DACT3: variants seen among roughly 807,000 people sequenced by gnomAD.
DACT3 encodes dishevelled binding antagonist of beta catenin 3.
A neutral mutation model predicts 19.6 loss-of-function variants in DACT3; 5 were observed. The observed-to-expected ratio is 0.26, with a 90% CI of 0.13 to 0.54. The LOEUF (loss-of-function observed/expected upper bound fraction) is 0.54, where lower values mean the gene tolerates loss of function less well. DACT3 is among the 20% of genes least tolerant of loss of function. The probability of loss-of-function intolerance (pLI) is 0.95; values close to 1 mark genes in which losing one functional copy is unlikely to be tolerated. For synonymous variants in DACT3, 454 were observed against 428.1 expected (o/e 1.06, Z -0.75); for missense variants, 908 against 927.4 (o/e 0.98, Z 0.27).
intron 1 of DACT3, chr19:46,654,778 C>T: frequency 1.0e-6 from 1 of 985,498 alleles, no homozygotes; most frequent in Non-Finnish European, 1.2e-6. Flanking sequence ...CCCAACCCTG[C>T]CTATTTAGGG....
intron 1 of DACT3, chr19:46,659,655 C>G (rs1345208972): frequency 1.3e-5 from 2 of 154,506 alleles, no homozygotes; most frequent in Non-Finnish European, 2.8e-5. Context: ...TCTTCCTCCC[C>G]ACTCCCCATC....
chr19:46,657,423 G>A (rs543894426), intron 1 of DACT3, among the ~76,000 whole-genome samples: 5 of 140,894 alleles, frequency 3.5e-5, no homozygotes, highest in Non-Finnish European at 7.5e-5. Context: ...GCACAATCTC[G>A]GCTCACTGCA....
At chr19:46,657,525 T>C (rs985771653) in intron 1 of DACT3, among the ~76,000 whole-genome samples, 16 of 151,358 alleles carry the variant, frequency 1.1e-4, no homozygotes, top group African/African-American at 3.6e-4. Flanking sequence ...AGCTAATTTT[T>C]TGTATTTTTA....
In DACT3 at chr19:46,649,357, G is replaced by GCGCAGCGGGCTCGGGTGC; in HGVS notation, c.997_1014dup (p.Ala333_Ala338dup). 1 of 1,255,448 alleles carries GCGCAGCGGGCTCGGGTGC rather than the reference G, an allele frequency of 8.0e-7. No individual in the cohort carries two copies. The highest frequency in any genetic ancestry group is 1.0e-6 in the Non-Finnish European group (1 of 995,898). 77.8% of individuals were successfully genotyped at this position (1,255,448 alleles called of 1,614,324 possible). A position where few individuals can be genotyped will look rare whatever the true frequency, so the allele number is the denominator to read the frequency against. Reference sequence around the variant, plus strand: ...TCGGGGGGTGAGGGGGCGGCGGGCGGCGCAGCGGGCTCGGGTGCCGCCTCC... The same window carrying GCGCAGCGGGCTCGGGTGC: ...TCGGGGGGTGAGGGGGCGGCGGGCGGCGCAGCGGGCTCGGGTGCCGCAGCGGGCTCGGGTGCCGCCTCC... On this transcript the variant is annotated inframe_insertion, in exon 4 of 4. Transcript: ENST00000391916.
intron 1 of DACT3, among the ~76,000 whole-genome samples, chr19:46,656,107 C>G (rs1011786948): frequency 5.3e-5 from 8 of 150,124 alleles, no homozygotes; most frequent in African/African-American, 1.7e-4. Context: ...ACCGCTCAGG[C>G]TGGAGTGCAG....
chr19:46,658,432 C>T (rs901182509), intron 1 of DACT3, among the ~76,000 whole-genome samples: 3 of 152,046 alleles, frequency 2.0e-5, no homozygotes, highest in Non-Finnish European at 4.4e-5. Flanking sequence ...CATAAATAAA[C>T]GTGAAAGGAT....
intron 1 of DACT3, chr19:46,659,062 G>A (rs1008127481): frequency 4.1e-6 from 4 of 982,310 alleles, no homozygotes; most frequent in South Asian, 4.7e-5. Flanking sequence ...GGGGTGGGGG[G>A]ATAAGTCATA....
rs529884145 is a variant in DACT3 at position 46,660,001 on chromosome 19, C to G, written c.249+815G>C. 6.6e-6 allele frequency among the ~76,000 whole-genome samples: 1 copy of G among 152,196 alleles called. No homozygotes were observed. The highest frequency in any genetic ancestry group is 1.9e-4 in the East Asian group (1 of 5,180). On this transcript the variant is annotated intron_variant, in intron 1 of 3. Coordinates refer to ENST00000391916, the MANE Select transcript of DACT3 (RefSeq NM_145056.3). This position sits in a 1 kb window ranked among gnomAD's most constrained non-coding sequence, Gnocchi z 4.9. ...TGGCAGGACGGAGAGAGTGACAGAACCCAGGACGAGATCGGGAGACTCAAG... is the reference window on the plus strand; with the variant it reads ...TGGCAGGACGGAGAGAGTGACAGAAGCCAGGACGAGATCGGGAGACTCAAG...
Position 46,649,246 on chromosome 19 carries a change from G to A in DACT3, c.1126C>T (p.Arg376Cys), listed in dbSNP as rs1371010987. ...ATRGLPGRAARRKPPPLTRGR... is the reference protein window; with the variant it reads ...ATRGLPGRAACRKPPPLTRGR... ...CGGGTCAGTGGCGGCGGTTTGCGGC[G>A]GGCGGCGCGGCCAGGGAGGCCTCGG... The change falls in exon 4 of 4, where the codon CGC becomes TGC. Residue 376 changes from arginine (R) to cysteine (C), a missense_variant. Physicochemically the swap from Arg to Cys is radical, Grantham distance 180 (BLOSUM62 -3). Around this residue, in one of 2 missense-constraint regions of DACT3, gnomAD observed 656 missense variants for 601.8 expected, o/e 1.09. Coordinates refer to ENST00000391916, the MANE Select transcript of DACT3 (RefSeq NM_145056.3). The A allele has an allele frequency of 8.3e-7, 1 of 1,198,600 alleles. No individual in the cohort carries two copies. Among genetic ancestry groups the A allele is most frequent in the Non-Finnish European group, 1.0e-6 (1 of 969,188 alleles). 74.2% of individuals were successfully genotyped at this position (1,198,600 alleles called of 1,614,324 possible). A position where few individuals can be genotyped will look rare whatever the true frequency, so the allele number is the denominator to read the frequency against.
intron 1 of DACT3, 69 bp from the exon 2 acceptor site, chr19:46,653,144 C>T (rs2053003458): frequency 1.3e-6 from 2 of 1,533,480 alleles, no homozygotes; most frequent in Non-Finnish European, 8.8e-7. Context: ...CCCTATTCCA[C>T]GAGCTCATGG....
intron 1 of DACT3, among the ~76,000 whole-genome samples, chr19:46,658,246 T>A (rs952888061): frequency 1.4e-4 from 19 of 138,392 alleles, no homozygotes; most frequent in Non-Finnish European, 2.2e-4. Flanking sequence ...AAAAAAAAAA[T>A]TAGCCAAATG....
In DACT3 at chr19:46,660,685, A is replaced by G; in HGVS notation, c.249+131T>C. The G allele has an allele frequency of 7.3e-7, 1 of 1,371,660 alleles. No individual in the cohort carries two copies. The highest frequency in any genetic ancestry group is 9.4e-7 in the Non-Finnish European group (1 of 1,066,772). 85.0% of individuals were successfully genotyped at this position (1,371,660 alleles called of 1,614,324 possible). On this transcript the variant is annotated intron_variant, in intron 1 of 3. Transcript: ENST00000391916. This position sits in a 1 kb window ranked among gnomAD's most constrained non-coding sequence, Gnocchi z 4.9. ...CCGCCGCCGGAACTCCGGGGTCGCC[A>G]GCCCCACCCCCTGTCCTTTCTCACT...
Position 46,649,119 on chromosome 19 carries a change from G to A in DACT3, c.1253C>T (p.Ala418Val). 1 of 1,282,636 alleles carries A rather than the reference G, an allele frequency of 7.8e-7. No homozygotes were observed. Among genetic ancestry groups the A allele is most frequent in the South Asian group, 2.3e-5 (1 of 43,944 alleles). 79.5% of individuals were successfully genotyped at this position (1,282,636 alleles called of 1,614,324 possible). The change falls in exon 4 of 4, where the codon GCC becomes GTC. Residue 418 changes from alanine (A) to valine (V), a missense_variant. Ala to Val is a moderately conservative substitution (Grantham distance 64). Coordinates refer to ENST00000391916, the MANE Select transcript of DACT3 (RefSeq NM_145056.3). ...AGACTGGGAGCGCGAGGCCTTGCGG[G>A]CCCTGGGCGAGCCGCGGCGGCCCGA... ...EASGRRGSPR[A>V]RKASRSQSET...
chr19:46,653,968 C>A lies in DACT3; in HGVS notation c.250-893G>T, dbSNP rs1012211027. ...CCTGCTGCAGATTGCCTCTTTCCCCCATATGGGTAAAATAGGCTGACCACG... is the reference window on the plus strand; with the variant it reads ...CCTGCTGCAGATTGCCTCTTTCCCCAATATGGGTAAAATAGGCTGACCACG... On this transcript the variant is annotated intron_variant, in intron 1 of 3. Transcript: ENST00000391916. 7 of 985,072 alleles carry A rather than the reference C, an allele frequency of 7.1e-6. No homozygotes were observed. The Admixed American group carries it at 3.1e-4, about 43-fold the overall frequency. 61.0% of individuals were successfully genotyped at this position (985,072 alleles called of 1,614,324 possible).
chr19:46,648,316 G>GCC lies in DACT3; in HGVS notation c.*165_*166insGG. On this transcript the variant is annotated 3_prime_UTR_variant, in exon 4 of 4. Coordinates refer to ENST00000391916, the MANE Select transcript of DACT3 (RefSeq NM_145056.3). The surrounding 1 kb of genome is among the most constrained non-coding windows in gnomAD (Gnocchi z 5.1). ...GCTCCTCCCCATTCCTCTCGGTGGT[G>GCC]GTGGGGGAGCCTTTTCAACCAAGAC... The GCC allele has an allele frequency of 5.3e-6, 6 of 1,134,776 alleles. No homozygotes were observed. The highest frequency in any genetic ancestry group is 7.5e-6 in the Non-Finnish European group (6 of 802,758). 70.3% of individuals were successfully genotyped at this position (1,134,776 alleles called of 1,614,324 possible).
In DACT3 at chr19:46,648,916, C is replaced by T. The variant is rs1486918303; in HGVS notation, c.1456G>A (p.Asp486Asn). ...GCTCGGGGCCGCACGCGGCGCCCAT[C>T]GGCAGCGTCGATCTCCGCAGTGGAG... ...WRSTAEIDAA[D>N]GRRVRPRAPA... Residue 486 changes from aspartate (D) to asparagine (N), a missense_variant, in exon 4 of 4, where the codon GAT (aspartate) becomes AAT (asparagine). This residue lies in a region of DACT3 where 656 missense variants were observed against 601.8 expected (regional missense o/e 1.09). Transcript: ENST00000391916. This position sits in a 1 kb window ranked among gnomAD's most constrained non-coding sequence, Gnocchi z 5.1. The T allele has an allele frequency of 7.4e-7, 1 of 1,358,438 alleles. No individual in the cohort carries two copies. Among genetic ancestry groups the T allele is most frequent in the South Asian group, 1.8e-5 (1 of 56,980 alleles). The allele number at this position is 1,358,438 out of a possible 1,614,324, so 84.1% of individuals were successfully genotyped here. A position where few individuals can be genotyped will look rare whatever the true frequency, so the allele number is the denominator to read the frequency against.
In DACT3 at chr19:46,648,565, C is replaced by T; in HGVS notation, c.1807G>A (p.Val603Met). ...AGCGCGTGGGAAGCTTTGATTTTCACGAAGACTTTGGCGGGGCCTGCGGGC... is the reference window on the plus strand; with the variant it reads ...AGCGCGTGGGAAGCTTTGATTTTCATGAAGACTTTGGCGGGGCCTGCGGGC... Reference protein sequence around the residue: ...GAPAGPAKVFVKIKASHALKK... With the variant: ...GAPAGPAKVFMKIKASHALKK... The change falls in exon 4 of 4, where the codon GTG becomes ATG. Residue 603 changes from valine to methionine, a missense_variant. This residue lies in a region of DACT3 where 656 missense variants were observed against 601.8 expected (regional missense o/e 1.09). Transcript: ENST00000391916. This position sits in a 1 kb window ranked among gnomAD's most constrained non-coding sequence, Gnocchi z 5.1. The T allele has an allele frequency of 6.2e-7, 1 of 1,613,912 alleles. No individual in the cohort carries two copies. Among genetic ancestry groups the T allele is most frequent in the East Asian group, 2.2e-5 (1 of 44,878 alleles).
chr19:46,658,088 G>C (rs946083371), intron 1 of DACT3, among the ~76,000 whole-genome samples: 2 of 151,686 alleles, frequency 1.3e-5, no homozygotes, highest in Non-Finnish European at 2.9e-5. Context: ...GCAAGATTCT[G>C]TCTCAATGAA....
At chr19:46,659,491 G>A (rs923634965) in intron 1 of DACT3, 1 of 985,260 alleles carries the variant, frequency 1.0e-6, no homozygotes, top group South Asian at 4.7e-5. Context: ...TTGGGGTGGG[G>A]GGAGCTAGCG....
Sources: allele counts gnomAD v4.1 joint callset (sites outside exome capture counted in the v4.1 genomes callset), GRCh38; gene constraint gnomAD v4.1.1; regional missense constraint gnomAD v4.1.1; non-coding constraint Gnocchi (gnomAD v3.1); transcripts MANE v1.5; gene names NCBI Gene and HGNC (gene_info 2026-07-23, HGNC 2026-07-21).